FBXO34: variants seen among roughly 807,000 people sequenced by gnomAD.
FBXO34 encodes the protein F-box only protein 34.
A neutral mutation model predicts 24.5 loss-of-function variants in FBXO34; 12 were observed. The ratio of observed to expected loss-of-function variants is 0.49; its 90% confidence interval spans 0.31 to 0.79. FBXO34 has a LOEUF of 0.79. Among genes scored for constraint, FBXO34 ranks in the 30% least tolerant of loss-of-function variants. FBXO34 has a pLI of 0.04. For synonymous variants in FBXO34, 320 were observed against 311.9 expected (o/e 1.03, Z -0.27); for missense variants, 823 against 857.7 (o/e 0.96, Z 0.51).
intron 1 of FBXO34, among the ~76,000 whole-genome samples, chr14:55,297,684 A>G (rs1882188023): frequency 6.6e-6 from 1 of 152,222 alleles, no homozygotes. Context: ...ATGAAATGCT[A>G]AAATGTATAT....
chr14:55,382,058 T>C, the FBXO34 span: 2 of 1,614,196 alleles, frequency 1.2e-6, no homozygotes, highest in Admixed American at 3.3e-5. Flanking sequence ...GTAATGCTAA[T>C]GCTGGTGTCT....
At chr14:55,326,128 G>C (rs1883336123) in intron 1 of FBXO34, 1 of 152,200 alleles carries the variant, frequency 6.6e-6, no homozygotes, top group Admixed American at 6.5e-5. Context: ...AGCTGAGATA[G>C]TTTGTAGAGG....
chr14:55,278,647 T>A (rs1881425577), intron 1 of FBXO34, among the ~76,000 whole-genome samples: 1 of 152,222 alleles, frequency 6.6e-6, no homozygotes, highest in South Asian at 2.1e-4. Context: ...ACTAGTTACA[T>A]TAAAATGTAG....
chr14:55,331,594 A>G (rs1313654265), intron 1 of FBXO34, among the ~76,000 whole-genome samples: 2 of 143,454 alleles, frequency 1.4e-5, no homozygotes, highest in African/African-American at 2.6e-5. Flanking sequence ...GTGTGTGTGT[A>G]TATATATAAA....
chr14:55,387,476 A>G, the FBXO34 span, among the ~76,000 whole-genome samples: 3 of 152,058 alleles, frequency 2.0e-5, no homozygotes, highest in African/African-American at 7.2e-5. Flanking sequence ...TCGGAACCCT[A>G]TGGTAATGTG....
chr14:55,324,960 C>T (rs1041472154), intron 1 of FBXO34, among the ~76,000 whole-genome samples: 2 of 152,074 alleles, frequency 1.3e-5, no homozygotes, highest in East Asian at 1.9e-4. Flanking sequence ...TGATCATCTC[C>T]GAAAGGACGA....
intron 1 of FBXO34, among the ~76,000 whole-genome samples, chr14:55,332,501 A>G (rs1236278130): frequency 6.6e-6 from 1 of 152,106 alleles, no homozygotes; most frequent in East Asian, 1.9e-4. Flanking sequence ...GTAATGTTTA[A>G]TTATTTGTTG....
the FBXO34 span, among the ~76,000 whole-genome samples, chr14:55,394,311 T>C: frequency 1.3e-5 from 2 of 152,156 alleles, no homozygotes; most frequent in Non-Finnish European, 2.9e-5. Flanking sequence ...GGCCCTTTTT[T>C]TCCTTCATAA....
the FBXO34 span, chr14:55,436,760 G>A: frequency 3.7e-6 from 6 of 1,614,080 alleles, no homozygotes; most frequent in African/African-American, 8.0e-5. Context: ...TGTTCGCTGG[G>A]TGATGGCAAC....
At chr14:55,426,717 AAAAAAAAAAG>A in the FBXO34 span, among the ~76,000 whole-genome samples, 49 of 151,930 alleles carry the variant, frequency 3.2e-4, no homozygotes, top group Middle Eastern at 3.4e-3. Context: ...CCAGATTAAA[AAAAAAAAAAG>A]AAAAGAAAAG....
the FBXO34 span, among the ~76,000 whole-genome samples, chr14:55,428,198 C>T: frequency 2.3e-5 from 3 of 128,466 alleles, no homozygotes; most frequent in Admixed American, 1.9e-4. Flanking sequence ...GGCGCGAGGT[C>T]GGCTCACTGC....
chr14:55,406,964 C>CT, the FBXO34 span, among the ~76,000 whole-genome samples: 6,563 of 141,410 alleles, frequency 0.046, 442 homozygotes, highest in African/African-American at 0.15. Flanking sequence ...TTGAGATTGT[C>CT]TTTTTTTTTT....
the FBXO34 span, among the ~76,000 whole-genome samples, chr14:55,392,962 G>T: frequency 6.6e-6 from 1 of 152,116 alleles, no homozygotes; most frequent in African/African-American, 2.4e-5. Context: ...AATGAATATT[G>T]AAGTCTTAGA....
At chr14:55,393,448 C>T in the FBXO34 span, among the ~76,000 whole-genome samples, 1 of 151,862 alleles carries the variant, frequency 6.6e-6, no homozygotes, top group African/African-American at 2.4e-5. Flanking sequence ...AAAAATTACA[C>T]ATTACAGAAG....
chr14:55,352,639 C>G lies in FBXO34; in HGVS notation c.*113C>G. 1.1e-6 allele frequency: 1 copy of G among 877,882 alleles called. No homozygotes were observed. Among genetic ancestry groups the G allele is most frequent in the South Asian group, 1.9e-5 (1 of 52,584 alleles). The allele number at this position is 877,882 out of a possible 1,614,324, so 54.4% of individuals were successfully genotyped here. A position where few individuals can be genotyped will look rare whatever the true frequency, so the allele number is the denominator to read the frequency against. On this transcript the variant is annotated 3_prime_UTR_variant, in exon 2 of 2. Transcript: ENST00000313833. Reference sequence around the variant, plus strand: ...CATCACTCTAGAAGAATCTGTACATCATCAGGACTGCATTGCTCAGGCATT... The same window carrying G: ...CATCACTCTAGAAGAATCTGTACATGATCAGGACTGCATTGCTCAGGCATT...
At chr14:55,305,925 T>A (rs541728430) in intron 1 of FBXO34, among the ~76,000 whole-genome samples, 1 of 152,374 alleles carries the variant, frequency 6.6e-6, no homozygotes, top group South Asian at 2.1e-4. Flanking sequence ...TGATTTTTGC[T>A]CTGAAGCCTG....
the FBXO34 span, chr14:55,411,928 C>A: frequency 3.8e-6 from 4 of 1,059,058 alleles, no homozygotes; most frequent in South Asian, 3.2e-5. Flanking sequence ...GCCGGCGAGC[C>A]CCCGGACCCC....
intron 1 of FBXO34, among the ~76,000 whole-genome samples, chr14:55,276,269 ACATTT>A (rs1308806600): frequency 1.3e-5 from 2 of 152,214 alleles, no homozygotes; most frequent in African/African-American, 4.8e-5. Context: ...TCATAGTGAA[ACATTT>A]CATTCATTAC....
the FBXO34 span, among the ~76,000 whole-genome samples, chr14:55,405,398 A>G: frequency 5.3e-5 from 8 of 152,240 alleles, no homozygotes; most frequent in African/African-American, 2.4e-5. Context: ...CAAAAGTATA[A>G]TCATATATTC....
Sources: gnomAD v4.1 joint callset for allele counts (sites outside exome capture counted in the v4.1 genomes callset) on GRCh38, gnomAD v4.1.1 for gene constraint, MANE v1.5 for transcripts, NCBI Gene and HGNC (gene_info 2026-07-23, HGNC 2026-07-21) for gene names.